GABRG3: variants seen among roughly 807,000 people sequenced by gnomAD.
GABRG3 encodes the protein gamma-aminobutyric acid receptor subunit gamma-3.
GABRG3 carries 25 observed loss-of-function variants against 48.8 expected under a neutral mutation model. The ratio of observed to expected loss-of-function variants is 0.51; its 90% CI spans 0.37 to 0.72. The LOEUF (loss-of-function observed/expected upper bound fraction) is 0.72. GABRG3 is among the 30% of genes least tolerant of loss of function. The pLI is 0.00. For missense variants in GABRG3, 394 were observed against 577.9 expected, an observed-to-expected ratio of 0.68 and a Z score of 3.26; for synonymous variants, 227 against 217.6, an observed-to-expected ratio of 1.04 and a Z score of -0.38.
chr15:27,372,573 A>G (rs188093027), intron 5 of GABRG3, among the ~76,000 whole-genome samples: 1 of 151,914 alleles, frequency 6.6e-6, no homozygotes, highest in Admixed American at 6.6e-5. Context: ...TTTATTTTTT[A>G]TAGAGATGGG....
rs75595948 is a variant in GABRG3, at chr15:27,399,041, T to C, written c.574+70153T>C. ...TTGTTTATGAGCTTTAGTCTTAACTTTGAAAATTGAGCATGGCAGACCTTT... is the reference window on the plus strand; with the variant it reads ...TTGTTTATGAGCTTTAGTCTTAACTCTGAAAATTGAGCATGGCAGACCTTT... On this transcript the variant is annotated intron_variant, in intron 5 of 9. Transcript: ENST00000615808. Among the ~76,000 whole-genome samples the C allele has an allele frequency of 4.5e-4, 69 of 152,278 alleles. No individual in the cohort carries two copies. In the East Asian group the frequency reaches 0.012, roughly 26 times the overall value.
intron 3 of GABRG3, among the ~76,000 whole-genome samples, chr15:27,060,423 G>C (rs1345949034): frequency 6.6e-6 from 1 of 152,222 alleles, no homozygotes; most frequent in East Asian, 1.9e-4. Context: ...GGCCCCACAG[G>C]CTCTTGGAAC....
At chr15:27,410,325 C>G (rs2140597932) in intron 5 of GABRG3, among the ~76,000 whole-genome samples, 1 of 152,186 alleles carries the variant, frequency 6.6e-6, no homozygotes, top group East Asian at 1.9e-4. Context: ...CATTTTTCAT[C>G]TCAATTTATA....
intron 2 of GABRG3, among the ~76,000 whole-genome samples, chr15:26,995,450 AT>A (rs1432563871): frequency 6.6e-6 from 1 of 151,618 alleles, no homozygotes; most frequent in Non-Finnish European, 1.5e-5. Flanking sequence ...CTTGAATATT[AT>A]TGCTAATATG....
intron 6 of GABRG3, among the ~76,000 whole-genome samples, chr15:27,516,028 A>G (rs1469042708): frequency 6.6e-6 from 1 of 152,076 alleles, no homozygotes; most frequent in African/African-American, 2.4e-5. Flanking sequence ...CTAGAATTTA[A>G]AAATTGTAAA....
intron 5 of GABRG3, among the ~76,000 whole-genome samples, chr15:27,378,265 A>T (rs28584764): frequency 0.36 from 55,265 of 151,954 alleles, 10,346 homozygotes; most frequent in Middle Eastern, 0.43. Context: ...TAAAAAAATT[A>T]AAAAAACCCA....
chr15:27,217,581 C>T (rs1274442931), intron 3 of GABRG3, among the ~76,000 whole-genome samples: 2 of 152,190 alleles, frequency 1.3e-5, no homozygotes, highest in South Asian at 2.1e-4. Flanking sequence ...CCTCCAGGAT[C>T]CTGCTCCGTG....
intron 3 of GABRG3, among the ~76,000 whole-genome samples, chr15:27,083,840 G>A (rs999015625): frequency 6.6e-6 from 1 of 152,190 alleles, no homozygotes. Flanking sequence ...TGTTTAAATA[G>A]GTAATTGTTT....
intron 5 of GABRG3, among the ~76,000 whole-genome samples, chr15:27,393,170 C>A (rs1388549797): frequency 4.0e-5 from 6 of 151,846 alleles, no homozygotes; most frequent in Non-Finnish European, 7.4e-5. Context: ...CGGTGAAACC[C>A]CATCTCTACT....
At chr15:27,089,092 C>G (rs1178971815) in intron 3 of GABRG3, among the ~76,000 whole-genome samples, 1 of 152,166 alleles carries the variant, frequency 6.6e-6, no homozygotes, top group Middle Eastern at 3.2e-3. Flanking sequence ...CAGGCACATC[C>G]TCTGGAAGAT....
intron 3 of GABRG3, among the ~76,000 whole-genome samples, chr15:27,125,733 C>G (rs1595538482): frequency 6.6e-6 from 1 of 152,300 alleles, no homozygotes; most frequent in East Asian, 1.9e-4. Flanking sequence ...CGCTGTGTCC[C>G]TGAAAGGAAG....
At chr15:27,267,018 A>G (rs993716523) in intron 3 of GABRG3, among the ~76,000 whole-genome samples, 53 of 151,618 alleles carry the variant, frequency 3.5e-4, no homozygotes, top group African/African-American at 1.2e-3. Flanking sequence ...ATTGGCTAGA[A>G]CCTTCAATAT....
chr15:27,346,076 AG>A (rs1179660113), intron 5 of GABRG3, among the ~76,000 whole-genome samples: 70 of 3,714 alleles, frequency 0.019, 1 homozygote, highest in African/African-American at 0.05. Flanking sequence ...AGAGAGAGAA[AG>A]AAGAGAGAGA....
chr15:27,231,225 T>G (rs189507268), intron 3 of GABRG3, among the ~76,000 whole-genome samples: 4 of 152,110 alleles, frequency 2.6e-5, no homozygotes, highest in Admixed American at 6.5e-5. Context: ...TGCCTTTATA[T>G]TTCAAAGTAT....
intron 2 of GABRG3, among the ~76,000 whole-genome samples, chr15:27,014,454 G>A (rs1895742520): frequency 6.7e-6 from 1 of 149,714 alleles, no homozygotes; most frequent in Admixed American, 6.6e-5. Context: ...CCTTTGTACT[G>A]CTTTTGTTGT....
chr15:27,090,909 G>T (rs1264952731), intron 3 of GABRG3, among the ~76,000 whole-genome samples: 2 of 152,150 alleles, frequency 1.3e-5, no homozygotes, highest in Non-Finnish European at 2.9e-5. Context: ...CTGTGGGTGT[G>T]TTCTTATATT....
chr15:27,171,368 A>C lies in GABRG3; in HGVS notation c.270+144547A>C, dbSNP rs562855438. On this transcript the variant is annotated intron_variant, in intron 3 of 9. Coordinates refer to ENST00000615808, the MANE Select transcript of GABRG3 (RefSeq NM_033223.5). Reference sequence around the variant, plus strand: ...TGTTTTTATTTCCCCTGGCCTACCAATGTAAAAGCTAGAAATAAAGGAACG... The same window carrying C: ...TGTTTTTATTTCCCCTGGCCTACCACTGTAAAAGCTAGAAATAAAGGAACG... Among the ~76,000 whole-genome samples, 3 of 152,140 alleles carry C rather than the reference A, an allele frequency of 2.0e-5. No individual in the cohort carries two copies. The South Asian group carries it at 6.2e-4, about 31-fold the overall frequency.
chr15:27,191,546 C>A (rs1454292225), intron 3 of GABRG3, among the ~76,000 whole-genome samples: 1 of 152,188 alleles, frequency 6.6e-6, no homozygotes, highest in African/African-American at 2.4e-5. Context: ...GATTGCAACC[C>A]CTGCCTTTTT....
chr15:27,251,242 T>C (rs928295116), intron 3 of GABRG3, among the ~76,000 whole-genome samples: 2 of 152,176 alleles, frequency 1.3e-5, no homozygotes, highest in African/African-American at 2.4e-5. Flanking sequence ...CTGCCTCTCT[T>C]GTCCTCAGCG....
Sources: allele counts gnomAD v4.1 joint callset (sites outside exome capture counted in the v4.1 genomes callset), GRCh38; gene constraint gnomAD v4.1.1; transcripts MANE v1.5; gene names NCBI Gene and HGNC (gene_info 2026-07-23, HGNC 2026-07-21).